The following CIRSR variants were observed in gnomAD, a reference collection of about 807,000 sequenced individuals.
CIRSR encodes CBF1 (RBPJ) interacting corepressor 1.
At chr2:174,363,370 G>A in the CIRSR span, among the ~76,000 whole-genome samples, 1 of 152,156 alleles carries the variant, frequency 6.6e-6, no homozygotes, top group Non-Finnish European at 1.5e-5. Flanking sequence ...CAAAAACAAG[G>A]ACACTAGAGG....
At chr2:174,373,088 T>C in the CIRSR span, among the ~76,000 whole-genome samples, 3 of 152,236 alleles carry the variant, frequency 2.0e-5, no homozygotes, top group Non-Finnish European at 4.4e-5. Flanking sequence ...GCCTAAGAAA[T>C]AGATCAGTAA....
the CIRSR span, among the ~76,000 whole-genome samples, chr2:174,372,378 A>G: frequency 6.6e-6 from 1 of 152,172 alleles, no homozygotes; most frequent in East Asian, 1.9e-4. Context: ...TCCTTTTTCT[A>G]AAAGTATCTG....
chr2:174,379,254 G>A, the CIRSR span, among the ~76,000 whole-genome samples: 4 of 152,126 alleles, frequency 2.6e-5, no homozygotes, highest in East Asian at 7.7e-4. Flanking sequence ...ATTTCTTTTT[G>A]CCTCTCACTT....
chr2:174,355,173 T>C, the CIRSR span, among the ~76,000 whole-genome samples: 2 of 152,162 alleles, frequency 1.3e-5, no homozygotes, highest in Non-Finnish European at 2.9e-5. Context: ...TCCAGATCTT[T>C]TGAGAACTCA....
the CIRSR span, among the ~76,000 whole-genome samples, chr2:174,362,673 C>T: frequency 6.5e-5 from 7 of 108,210 alleles, no homozygotes; most frequent in East Asian, 5.6e-4. Flanking sequence ...GGTGACAGAG[C>T]GAGACTCTGC....
chr2:174,370,305 C>T, the CIRSR span, among the ~76,000 whole-genome samples: 4 of 152,190 alleles, frequency 2.6e-5, no homozygotes. Context: ...CCCTCTCAGC[C>T]TCCCAAAGTG....
the CIRSR span, among the ~76,000 whole-genome samples, chr2:174,386,176 G>GT: frequency 6.6e-6 from 1 of 151,902 alleles, no homozygotes; most frequent in South Asian, 2.1e-4. Flanking sequence ...TAAAAATAAG[G>GT]TTTTTGTTGT....
chr2:174,348,228 A>G, the CIRSR span: 1 of 365,506 alleles, frequency 2.7e-6, no homozygotes, highest in Non-Finnish European at 4.8e-6. Flanking sequence ...TTTATCTGGT[A>G]TGGGGAACAA....
chr2:174,377,990 C>A, the CIRSR span, among the ~76,000 whole-genome samples: 2 of 152,094 alleles, frequency 1.3e-5, no homozygotes, highest in Non-Finnish European at 2.9e-5. Context: ...TGAGGGTAAA[C>A]CCTGGGCTCA....
At chr2:174,354,469 A>G in the CIRSR span, among the ~76,000 whole-genome samples, 1 of 93,912 alleles carries the variant, frequency 1.1e-5, no homozygotes, top group Non-Finnish European at 1.9e-5. Context: ...TATATAAAAT[A>G]TATATAATAT....
At chr2:174,351,518 C>T in the CIRSR span, 7 of 888,398 alleles carry the variant, frequency 7.9e-6, no homozygotes, top group Admixed American at 2.4e-5. Flanking sequence ...ATCTTACTTT[C>T]CTATGGATAT....
chr2:174,356,485 AAGAC>A, the CIRSR span, among the ~76,000 whole-genome samples: 12 of 150,942 alleles, frequency 8.0e-5, no homozygotes, highest in South Asian at 1.1e-3. Flanking sequence ...GACAGAAAAA[AAGAC>A]AGACGGGAAG....
chr2:174,381,788 C>T, the CIRSR span: 1 of 1,524,492 alleles, frequency 6.6e-7, no homozygotes, highest in Non-Finnish European at 8.8e-7. Flanking sequence ...CTAAGTGAAA[C>T]AAGACAAAGT....
the CIRSR span, chr2:174,381,591 A>G: frequency 1.4e-6 from 1 of 692,984 alleles, no homozygotes; most frequent in South Asian, 2.3e-5. Flanking sequence ...AGGTGGATGG[A>G]GGTTGTAGTG....
the CIRSR span, among the ~76,000 whole-genome samples, chr2:174,376,026 ATTTTTTGTAT>A: frequency 3.3e-5 from 5 of 151,972 alleles, no homozygotes; most frequent in Non-Finnish European, 7.4e-5. Flanking sequence ...CCCAGCTAGA[ATTTTTTGTAT>A]TTTTTGTAGA....
chr2:174,365,293 T>C, the CIRSR span, among the ~76,000 whole-genome samples: 1 of 152,208 alleles, frequency 6.6e-6, no homozygotes, highest in Non-Finnish European at 1.5e-5. Context: ...ATTGTTCATA[T>C]TGCTATCAAT....
the CIRSR span, among the ~76,000 whole-genome samples, chr2:174,356,740 T>C: frequency 6.6e-6 from 1 of 152,210 alleles, no homozygotes; most frequent in African/African-American, 2.4e-5. Context: ...ACTAAATTGC[T>C]ACCCTAAAGT....
chr2:174,361,355 A>C, the CIRSR span, among the ~76,000 whole-genome samples: 2 of 152,252 alleles, frequency 1.3e-5, no homozygotes, highest in Non-Finnish European at 2.9e-5. Flanking sequence ...GCTCTGTAAC[A>C]GATTCAGGTA....
At chr2:174,370,289 A>G in the CIRSR span, among the ~76,000 whole-genome samples, 5 of 152,144 alleles carry the variant, frequency 3.3e-5, no homozygotes, top group African/African-American at 1.2e-4. Context: ...GTCTTGAACT[A>G]TCCTCCCCTC....
Sources: gnomAD v4.1 joint callset for allele counts (sites outside exome capture counted in the v4.1 genomes callset) on GRCh38, gnomAD v4.1.1 for gene constraint, MANE v1.5 for transcripts, NCBI Gene and HGNC (gene_info 2026-07-23, HGNC 2026-07-21) for gene names.